CHL1: variants seen among roughly 807,000 people sequenced by gnomAD.
CHL1 encodes the protein neural cell adhesion molecule L1-like protein.
CHL1 carries 96 observed loss-of-function variants against 141.9 expected under a neutral mutation model. The ratio of observed to expected loss-of-function variants is 0.68; its 90% CI spans 0.57 to 0.80. The LOEUF (loss-of-function observed/expected upper bound fraction) is 0.80, where lower values mean the gene tolerates loss of function less well. Ranked by LOEUF, CHL1 falls within the 30% of genes least tolerant of loss-of-function variation. The pLI is 0.00. For missense variants in CHL1, 1,820 were observed against 1,457.2 expected, an observed-to-expected ratio of 1.25 and a Z score of -4.05; for synonymous variants, 613 against 502.2, an observed-to-expected ratio of 1.22 and a Z score of -2.95.
At chr3:404,803 T>G (rs1709404568) in intron 27 of CHL1, among the ~76,000 whole-genome samples, 1 of 152,142 alleles carries the variant, frequency 6.6e-6, no homozygotes, top group Non-Finnish European at 1.5e-5. Flanking sequence ...GAAATTGCAT[T>G]TGTTCTCTGT....
intron 2 of CHL1, among the ~76,000 whole-genome samples, chr3:251,268 T>C (rs1293642004): frequency 6.6e-6 from 1 of 152,070 alleles, no homozygotes; most frequent in Non-Finnish European, 1.5e-5. Context: ...AAAAAATTAG[T>C]CCACCTCTCA....
intron 2 of CHL1, among the ~76,000 whole-genome samples, chr3:310,640 C>A (rs554243506): frequency 2.6e-5 from 4 of 152,164 alleles, no homozygotes; most frequent in African/African-American, 9.6e-5. Context: ...GCAGAAATTT[C>A]TCTCATACTA....
intron 1 of CHL1, among the ~76,000 whole-genome samples, chr3:229,887 A>T (rs564590253): frequency 6.6e-6 from 1 of 152,126 alleles, no homozygotes; most frequent in Admixed American, 6.5e-5. Context: ...AGCCTTCACG[A>T]GATAAAATTT....
chr3:361,698 G>C lies in CHL1; in HGVS notation c.1307-1G>C. The C allele has an allele frequency of 6.2e-7, 1 of 1,600,822 alleles. No individual in the cohort carries two copies. Among genetic ancestry groups the C allele is most frequent in the Non-Finnish European group, 8.6e-7 (1 of 1,168,678 alleles). ...ACTGCGTTTATGTTATTTTCAAATA[G>C]ATGTCCGTCCATTGATACAAACCAA... On this transcript the variant is annotated splice_acceptor_variant, in intron 12 of 27. Transcript: ENST00000256509. LOFTEE classifies it high-confidence loss of function.
intron 2 of CHL1, among the ~76,000 whole-genome samples, chr3:245,812 A>G (rs1387994481): frequency 6.6e-6 from 1 of 152,070 alleles, no homozygotes; most frequent in African/African-American, 2.4e-5. Context: ...GGCCATACCA[A>G]GAATAAGTCT....
intron 1 of CHL1, among the ~76,000 whole-genome samples, chr3:230,507 T>C (rs898523211): frequency 1.3e-5 from 2 of 152,192 alleles, no homozygotes; most frequent in South Asian, 2.1e-4. Flanking sequence ...TAAACCTTTT[T>C]TTTTTTTGAC....
chr3:279,031 C>A (rs1047464221), intron 2 of CHL1, among the ~76,000 whole-genome samples: 1 of 151,754 alleles, frequency 6.6e-6, no homozygotes, highest in African/African-American at 2.4e-5. Flanking sequence ...TGGGGACGCA[C>A]GAAAAAGGGA....
At chr3:261,575 G>C (rs1005876508) in intron 2 of CHL1, among the ~76,000 whole-genome samples, 1 of 152,050 alleles carries the variant, frequency 6.6e-6, no homozygotes, top group East Asian at 1.9e-4. Context: ...GATCTTACTT[G>C]TAAAATATAT....
At chr3:283,846 G>A (rs541305938) in intron 2 of CHL1, among the ~76,000 whole-genome samples, 40 of 152,272 alleles carry the variant, frequency 2.6e-4, no homozygotes, top group Non-Finnish European at 2.9e-5. Flanking sequence ...CTCCACCCCA[G>A]TTGAGAACAG....
intron 27 of CHL1, among the ~76,000 whole-genome samples, chr3:404,227 T>C (rs1374886193): frequency 6.6e-6 from 1 of 152,184 alleles, no homozygotes; most frequent in Non-Finnish European, 1.5e-5. Context: ...GCTCACTTTT[T>C]TTTTAAACCA....
chr3:337,487 G>C (rs1701984754), intron 5 of CHL1, among the ~76,000 whole-genome samples: 3 of 151,812 alleles, frequency 2.0e-5, no homozygotes, highest in South Asian at 2.1e-4. Flanking sequence ...ATTTACATTA[G>C]GTATGTCTCC....
chr3:213,204 TA>T (rs954951009), intron 1 of CHL1: 8 of 152,316 alleles, frequency 5.3e-5, no homozygotes, highest in African/African-American at 1.9e-4. Context: ...CTTTTTATAG[TA>T]AGAAGAATTG....
intron 2 of CHL1, among the ~76,000 whole-genome samples, chr3:286,542 C>T (rs1697164702): frequency 6.8e-6 from 1 of 146,404 alleles, no homozygotes; most frequent in African/African-American, 2.5e-5. Context: ...ACTTAGTAGG[C>T]GTAGGTTGCA....
At chr3:348,422 G>T (rs1342408633) in intron 9 of CHL1, among the ~76,000 whole-genome samples, 1 of 152,128 alleles carries the variant, frequency 6.6e-6, no homozygotes, top group African/African-American at 2.4e-5. Context: ...AACCTGACTG[G>T]GGAAGAGAAA....
rs183108847 is a variant in CHL1 at position 327,605 on chromosome 3, G to C, written c.198-562G>C. Among the ~76,000 whole-genome samples, 47 of 151,990 alleles carry C rather than the reference G, an allele frequency of 3.1e-4. 1 individual carries two copies. The East Asian group carries it at 5.2e-3, about 17-fold the overall frequency. ...TCATAAAAGGAAAAACATTGAAATG[G>C]TTAAAAGTAATTAAATTAGTAACCA... On this transcript the variant is annotated intron_variant, in intron 4 of 27. Coordinates refer to ENST00000256509, the MANE Select transcript of CHL1 (RefSeq NM_006614.4).
intron 1 of CHL1, among the ~76,000 whole-genome samples, chr3:207,743 C>T (rs1699563552): frequency 6.6e-6 from 1 of 152,084 alleles, no homozygotes; most frequent in Non-Finnish European, 1.5e-5. Context: ...TGACCTTGAC[C>T]CCATTTTCTT....
chr3:272,615 CAATT>C (rs747858923), intron 2 of CHL1, among the ~76,000 whole-genome samples: 5 of 152,114 alleles, frequency 3.3e-5, no homozygotes, highest in Non-Finnish European at 7.4e-5. Flanking sequence ...TTAGATCTTA[CAATT>C]AGAAATACCG....
At position 297,764 on chromosome 3, in the gene CHL1, A is replaced by G. The variant is rs1039017113; in HGVS notation, c.-94-21919A>G. On this transcript the variant is annotated intron_variant, in intron 2 of 27. Coordinates refer to ENST00000256509, the MANE Select transcript of CHL1 (RefSeq NM_006614.4). ...GAGCTTAAGCTTTTGTTAGCTTCAAAGAGAGCTCCGTTCTTGCCTCATCTC... is the reference window on the plus strand; with the variant it reads ...GAGCTTAAGCTTTTGTTAGCTTCAAGGAGAGCTCCGTTCTTGCCTCATCTC... Among the ~76,000 whole-genome samples the G allele has an allele frequency of 3.9e-5, 6 of 152,330 alleles. No homozygotes were observed. In the South Asian group the frequency reaches 8.3e-4, roughly 21 times the overall value.
At chr3:395,861 G>A (rs1293546083) in intron 24 of CHL1, among the ~76,000 whole-genome samples, 1 of 152,042 alleles carries the variant, frequency 6.6e-6, no homozygotes, top group Admixed American at 6.6e-5. Context: ...ATCACAGAGG[G>A]GAAAAATAGT....
Sources: gnomAD v4.1 joint callset for allele counts (sites outside exome capture counted in the v4.1 genomes callset) on GRCh38, gnomAD v4.1.1 for gene constraint, MANE v1.5 for transcripts, NCBI Gene and HGNC (gene_info 2026-07-23, HGNC 2026-07-21) for gene names.